Variants in ACOX3 observed in about 807,000 individuals in gnomAD.
The protein encoded by ACOX3 is peroxisomal acyl-coenzyme A oxidase 3.
Under a neutral mutation model 81.5 loss-of-function variants are expected in ACOX3, and 73 were observed. That is an observed-to-expected ratio of 0.90 (90% CI 0.74 to 1.09). ACOX3 has a LOEUF of 1.09. ACOX3 is among the 50% of genes least tolerant of loss of function. The pLI is 0.00. For missense variants in ACOX3, 947 were observed against 928.0 expected (o/e 1.02, Z -0.27); for synonymous variants, 387 against 375.1 (o/e 1.03, Z -0.37).
the ACOX3 span, chr4:8,356,236 G>A: frequency 9.1e-6 from 3 of 330,306 alleles, no homozygotes; most frequent in African/African-American, 4.3e-5. Flanking sequence ...AATAGACAGT[G>A]TAGCTGGTGT....
At chr4:8,393,074 T>C (rs527367135) in intron 10 of ACOX3, 111 of 150,076 alleles carry the variant, frequency 7.4e-4, no homozygotes, top group African/African-American at 2.7e-3. Context: ...GGGTCGGGCG[T>C]GGTTAGTATT....
At chr4:8,388,607 G>T (rs759679299) in intron 13 of ACOX3, among the ~76,000 whole-genome samples, 160 of 152,364 alleles carry the variant, frequency 1.1e-3, no homozygotes, top group Admixed American at 4.7e-3. Context: ...TGACACACCT[G>T]CAGGAGGCTG....
chr4:8,398,290 C>T (rs776042905), intron 8 of ACOX3, among the ~76,000 whole-genome samples: 3 of 152,168 alleles, frequency 2.0e-5, no homozygotes, highest in Non-Finnish European at 4.4e-5. Flanking sequence ...TTTTATTCCA[C>T]TGGAGTCAGA....
At chr4:8,410,652 G>A (rs1447120332) in intron 5 of ACOX3, among the ~76,000 whole-genome samples, 1 of 152,112 alleles carries the variant, frequency 6.6e-6, no homozygotes, top group Non-Finnish European at 1.5e-5. Context: ...CGCCCCTTAG[G>A]TAGAAACACT....
intron 16 of ACOX3, 139 bp downstream of exon 16, chr4:8,373,422 G>T: frequency 1.2e-6 from 1 of 848,122 alleles, no homozygotes; most frequent in Non-Finnish European, 1.9e-6. Context: ...TAGGCTCTGG[G>T]TGACGCTAAG....
chr4:8,428,403 G>A (rs1324456352), intron 1 of ACOX3: 1 of 152,800 alleles, frequency 6.5e-6, no homozygotes, highest in Non-Finnish European at 1.5e-5. Flanking sequence ...CGGAGTACTG[G>A]GACTAGCTGC....
downstream of ACOX3, among the ~76,000 whole-genome samples, chr4:8,365,971 G>A (rs1446026388): frequency 1.3e-5 from 2 of 152,218 alleles, no homozygotes; most frequent in East Asian, 1.9e-4. Flanking sequence ...TGATACGAGT[G>A]TGGCCACGGG....
At position 8,400,410 on chromosome 4, in the gene ACOX3, C is replaced by T. The variant is rs1388622493; in HGVS notation, c.777-758G>A. On this transcript the variant is annotated intron_variant, in intron 7 of 17. Transcript: ENST00000356406. This position sits in a 1 kb window ranked among gnomAD's most constrained non-coding sequence, Gnocchi z 4.4. Reference sequence around the variant, plus strand: ...CTCATATTTCAATCTTAAACCAGAACCCACAGTGTAATAATATTGGCAAAA... The same window carrying T: ...CTCATATTTCAATCTTAAACCAGAATCCACAGTGTAATAATATTGGCAAAA... 2.0e-5 allele frequency among the ~76,000 whole-genome samples: 3 copies of T among 152,116 alleles called. No individual in the cohort carries two copies. Among genetic ancestry groups the T allele is most frequent in the Non-Finnish European group, 4.4e-5 (3 of 68,038 alleles).
rs1720817460 is a variant in ACOX3, at chr4:8,405,340, G to A, written c.776+615C>T. On this transcript the variant is annotated intron_variant, in intron 7 of 17. Coordinates refer to ENST00000356406, the MANE Select transcript of ACOX3 (RefSeq NM_003501.3). The surrounding 1 kb of genome is among the most constrained non-coding windows in gnomAD (Gnocchi z 7.1). ...CCCCGGCCACCCAGGCCTCCATGTGGCCATCAAGCATTCATTAGTCTTTCT... is the reference window on the plus strand; with the variant it reads ...CCCCGGCCACCCAGGCCTCCATGTGACCATCAAGCATTCATTAGTCTTTCT... Among the ~76,000 whole-genome samples, 1 of 152,170 alleles carries A rather than the reference G, an allele frequency of 6.6e-6. No individual in the cohort carries two copies. The highest frequency in any genetic ancestry group is 6.5e-5 in the Admixed American group (1 of 15,278).
In ACOX3 at chr4:8,394,689, G is replaced by A; in HGVS notation, c.1110C>T (p.Ser370=). The A allele has an allele frequency of 6.2e-7, 1 of 1,613,910 alleles. No homozygotes were observed. Among genetic ancestry groups the A allele is most frequent in the Non-Finnish European group, 8.5e-7 (1 of 1,180,006 alleles). ...LAAVYALDHF[S]KSLFLDLVEL... ...CCACCAGGTCCAGGAAGAGCGACTT[G>A]GAGAAATGGTCTAAGGCGTAGACAG... Residue 370 remains serine, a synonymous_variant, in exon 10 of 18, where the codon TCC becomes TCT. Coordinates refer to ENST00000356406, the MANE Select transcript of ACOX3 (RefSeq NM_003501.3). The surrounding 1 kb of genome is among the most constrained non-coding windows in gnomAD (Gnocchi z 5.9).
intron 1 of ACOX3, among the ~76,000 whole-genome samples, chr4:8,425,839 G>A (rs965363894): frequency 1.3e-5 from 2 of 152,004 alleles, no homozygotes; most frequent in South Asian, 2.1e-4. Context: ...CAATGGCCCC[G>A]CTTTCAAGGC....
rs896458850 is a variant in ACOX3 at position 8,432,302 on chromosome 4, C to T, written c.-15+8346G>A. On this transcript the variant is annotated intron_variant, in intron 1 of 17. Transcript: ENST00000356406. This position sits in a 1 kb window ranked among gnomAD's most constrained non-coding sequence, Gnocchi z 6.2. The stretch of plus-strand genomic sequence containing the variant: ...AGACTGGAGTGCAGTGGTGCCATCT[C>T]GGCTCACTGCAAGCTCTGCCTCCCG... Among the ~76,000 whole-genome samples, 4 of 152,058 alleles carry T rather than the reference C, an allele frequency of 2.6e-5. No individual in the cohort carries two copies. Among genetic ancestry groups the T allele is most frequent in the South Asian group, 2.1e-4 (1 of 4,818 alleles).
In ACOX3 at chr4:8,405,436, T is replaced by A. The variant is rs1720829908; in HGVS notation, c.776+519A>T. Among the ~76,000 whole-genome samples, 1 of 152,182 alleles carries A rather than the reference T, an allele frequency of 6.6e-6. No individual in the cohort carries two copies. The highest frequency in any genetic ancestry group is 1.5e-5 in the Non-Finnish European group (1 of 68,028). On this transcript the variant is annotated intron_variant, in intron 7 of 17. Transcript: ENST00000356406. This position sits in a 1 kb window ranked among gnomAD's most constrained non-coding sequence, Gnocchi z 7.1. ...TTGGCCACACCAACCCGGTGTCACATGTGTGCTGCTAAATAGATATATGTG... is the reference window on the plus strand; with the variant it reads ...TTGGCCACACCAACCCGGTGTCACAAGTGTGCTGCTAAATAGATATATGTG...
intron 1 of ACOX3, among the ~76,000 whole-genome samples, chr4:8,422,136 G>A (rs990930725): frequency 6.6e-6 from 1 of 151,968 alleles, no homozygotes; most frequent in African/African-American, 2.4e-5. Context: ...GAGAGGGAAA[G>A]AGAAACAGAG....
rs1218155233 is a variant in ACOX3 at position 8,370,180 on chromosome 4, A to G, written c.1983+728T>C. 6.6e-6 allele frequency among the ~76,000 whole-genome samples: 1 copy of G among 152,218 alleles called. No individual in the cohort carries two copies. Among genetic ancestry groups the G allele is most frequent in the Admixed American group, 6.5e-5 (1 of 15,292 alleles). ...CCAGGCAGCCCGAGCAGCAGGCACAAGGCCCTGGGGTGGGCATGGGCCTGG... is the reference window on the plus strand; with the variant it reads ...CCAGGCAGCCCGAGCAGCAGGCACAGGGCCCTGGGGTGGGCATGGGCCTGG... On this transcript the variant is annotated intron_variant, in intron 17 of 17. Transcript: ENST00000356406. This position sits in a 1 kb window ranked among gnomAD's most constrained non-coding sequence, Gnocchi z 6.3.
chr4:8,415,594 G>A (rs1327430464), intron 3 of ACOX3, among the ~76,000 whole-genome samples, 172 bp downstream of exon 3: 1 of 151,932 alleles, frequency 6.6e-6, no homozygotes, highest in African/African-American at 2.4e-5. Context: ...AAAATGAAAA[G>A]GGGGACTGAA....
At chr4:8,365,696 G>T (rs913534890), downstream of ACOX3, among the ~76,000 whole-genome samples, 1 of 152,230 alleles carries the variant, frequency 6.6e-6, no homozygotes, top group Non-Finnish European at 1.5e-5. Flanking sequence ...GATCATCAAA[G>T]AAGTCACTAA....
At chr4:8,392,571 G>A (rs556583582) in intron 10 of ACOX3, 118 bp from the exon 11 acceptor site, 20 of 1,151,288 alleles carry the variant, frequency 1.7e-5, no homozygotes, top group African/African-American at 1.7e-4. Context: ...AAGACATCCC[G>A]AAAATGACAG....
chr4:8,394,588 C>T lies in ACOX3; in HGVS notation c.1179+32G>A, dbSNP rs748723179. ...CTGCTCCAACCGTGTGAGATTTAAA[C>T]GATGCTGCTGAGGAAGCAGACACCA... On this transcript the variant is annotated intron_variant, in intron 10 of 17. Coordinates refer to ENST00000356406, the MANE Select transcript of ACOX3 (RefSeq NM_003501.3). This position sits in a 1 kb window ranked among gnomAD's most constrained non-coding sequence, Gnocchi z 5.9. 1.2e-5 allele frequency: 20 copies of T among 1,608,572 alleles called. No homozygotes were observed. Among genetic ancestry groups the T allele is most frequent in the East Asian group, 4.5e-5 (2 of 44,730 alleles).
Sources: gnomAD v4.1 joint callset for allele counts (sites outside exome capture counted in the v4.1 genomes callset) on GRCh38, gnomAD v4.1.1 for gene constraint, Gnocchi (gnomAD v3.1) non-coding constraint, MANE v1.5 for transcripts, NCBI Gene and HGNC (gene_info 2026-07-23, HGNC 2026-07-21) for gene names.